Variants in ABCB4 observed in about 807,000 individuals in gnomAD.
ABCB4 encodes the protein phosphatidylcholine translocator ABCB4.
ABCB4 carries 76 observed loss-of-function variants against 145.7 expected under a neutral mutation model. The observed-to-expected ratio is 0.52, with a 90% CI of 0.43 to 0.63. The LOEUF (loss-of-function observed/expected upper bound fraction) is 0.63. Ranked by LOEUF, ABCB4 falls within the 30% of genes least tolerant of loss-of-function variation. ABCB4 has a pLI of 0.00. For synonymous variants in ABCB4, 517 were observed against 566.8 expected, an observed-to-expected ratio of 0.91 and a Z score of 1.25; for missense variants, 1,234 against 1,553.1, an observed-to-expected ratio of 0.79 and a Z score of 3.45.
intron 22 of ABCB4, among the ~76,000 whole-genome samples, chr7:87,412,549 C>T (rs776550004): frequency 1.3e-5 from 2 of 152,134 alleles, no homozygotes; most frequent in African/African-American, 2.4e-5. Flanking sequence ...TCCTGCCAGC[C>T]GCCCCTGTAT....
At chr7:87,430,388 A>G (rs1810131310) in intron 15 of ABCB4, among the ~76,000 whole-genome samples, 1 of 152,206 alleles carries the variant, frequency 6.6e-6, no homozygotes, top group African/African-American at 2.4e-5. Context: ...AGAATCGTTC[A>G]TAGAATAAAA....
intron 14 of ABCB4, among the ~76,000 whole-genome samples, chr7:87,439,009 A>C (rs1434844615): frequency 6.6e-6 from 1 of 152,198 alleles, no homozygotes; most frequent in Non-Finnish European, 1.5e-5. Context: ...ACTAATTTCT[A>C]TGGTGTCATC....
chr7:87,441,893 C>T (rs1811013699), intron 12 of ABCB4, among the ~76,000 whole-genome samples: 1 of 152,226 alleles, frequency 6.6e-6, no homozygotes, highest in Non-Finnish European at 1.5e-5. Flanking sequence ...GCCACCATGT[C>T]AGGCCTTTAT....
upstream of ABCB4, chr7:87,475,762 A>G: frequency 3.3e-6 from 1 of 307,156 alleles, no homozygotes; most frequent in Non-Finnish European, 5.9e-6. Context: ...CGGCCCGGGA[A>G]ACGCCTACCG....
chr7:87,431,592 A>G (rs369015377), intron 14 of ABCB4, 27 bp from the exon 15 acceptor site: 43 of 1,613,740 alleles, frequency 2.7e-5, no homozygotes, highest in Admixed American at 6.7e-5. Flanking sequence ...GTGGTGCATC[A>G]GGGTTACAGT....
chr7:87,376,370 C>T, the ABCB4 span, among the ~76,000 whole-genome samples: 3 of 151,980 alleles, frequency 2.0e-5, no homozygotes, highest in Admixed American at 6.6e-5. Context: ...AATTATGTCA[C>T]CCTTGTAAGT....
At chr7:87,370,123 C>T in the ABCB4 span, among the ~76,000 whole-genome samples, 1 of 152,034 alleles carries the variant, frequency 6.6e-6, no homozygotes, top group African/African-American at 2.4e-5. Flanking sequence ...GTATACATCT[C>T]TAAAATAGAA....
the ABCB4 span, among the ~76,000 whole-genome samples, chr7:87,396,440 A>G: frequency 6.6e-6 from 1 of 152,204 alleles, no homozygotes; most frequent in Non-Finnish European, 1.5e-5. Flanking sequence ...TGATTATTCA[A>G]GACTGTTTTT....
intron 11 of ABCB4, 109 bp downstream of exon 11, chr7:87,443,554 C>T: frequency 6.5e-7 from 1 of 1,540,896 alleles, no homozygotes; most frequent in Non-Finnish European, 8.9e-7. Context: ...GGGAATATAA[C>T]CCCCAAAGGA....
chr7:87,423,095 T>C (rs1221557691), intron 17 of ABCB4, among the ~76,000 whole-genome samples: 1 of 152,206 alleles, frequency 6.6e-6, no homozygotes, highest in Admixed American at 6.5e-5. Flanking sequence ...TGTGGATCGA[T>C]GTCCAACATC....
intron 14 of ABCB4, among the ~76,000 whole-genome samples, chr7:87,434,212 G>C (rs918995577): frequency 6.6e-6 from 1 of 151,192 alleles, no homozygotes; most frequent in Admixed American, 6.6e-5. Flanking sequence ...AAAGTTGTGG[G>C]ATTACAGGCG....
rs550356834 is a variant in ABCB4, at chr7:87,422,340, G to C, written c.2212-115C>G. 2.0e-4 allele frequency: 166 copies of C among 820,252 alleles called. No individual in the cohort carries two copies. The African/African-American group carries it at 2.4e-3, about 12-fold the overall frequency. 50.8% of individuals were successfully genotyped at this position (820,252 alleles called of 1,614,324 possible). A position where few individuals can be genotyped will look rare whatever the true frequency, so the allele number is the denominator to read the frequency against. On this transcript the variant is annotated intron_variant, in intron 17 of 27. Transcript: ENST00000649586. ...TTAAAACTAGGCTTCAAATATGTAG[G>C]GTTTTGGTAATTGTGGTAAAATATA...
At chr7:87,408,369 A>G in intron 24 of ABCB4, 135 bp from the exon 25 acceptor site, 1 of 918,186 alleles carries the variant, frequency 1.1e-6, no homozygotes, top group Non-Finnish European at 1.7e-6. Context: ...TTCTGGTGCC[A>G]GTTAATATTG....
At chr7:87,452,634 T>G (rs948756318) in intron 6 of ABCB4, 47 of 403,820 alleles carry the variant, frequency 1.2e-4, no homozygotes, top group African/African-American at 9.1e-4. Flanking sequence ...CAATCATCTA[T>G]TCATTGATTC....
At chr7:87,378,848 T>C in the ABCB4 span, among the ~76,000 whole-genome samples, 1 of 152,150 alleles carries the variant, frequency 6.6e-6, no homozygotes, top group Non-Finnish European at 1.5e-5. Flanking sequence ...TAAAGAACAG[T>C]AAAGTAGCTG....
rs1812553412 is a variant in ABCB4 at position 87,462,821 on chromosome 7, T to C, written c.223A>G (p.Met75Val). The C allele has an allele frequency of 1.2e-6, 2 of 1,613,854 alleles. No individual in the cohort carries two copies. The highest frequency in any genetic ancestry group is 1.7e-5 in the Admixed American group (1 of 60,014). Residue 75 changes from methionine (M) to valine (V), a missense_variant, in exon 4 of 28, where the codon ATG (methionine) becomes GTG (valine). Physicochemically the swap from Met to Val is conservative, Grantham distance 21 (BLOSUM62 1). Coordinates refer to ENST00000649586, the MANE Select transcript of ABCB4 (RefSeq NM_000443.4). Reference sequence around the variant, plus strand: ...TCAGTCATCTCTCCAAATACTATCATCATGAGGGGGAGACCTGATCCGTGA... The same window carrying C: ...TCAGTCATCTCTCCAAATACTATCACCATGAGGGGGAGACCTGATCCGTGA... ...IAHGSGLPLMMIVFGEMTDKF... is the reference protein window; with the variant it reads ...IAHGSGLPLMVIVFGEMTDKF...
the ABCB4 span, among the ~76,000 whole-genome samples, chr7:87,369,025 A>C: frequency 2.0e-5 from 3 of 152,332 alleles, no homozygotes; most frequent in East Asian, 5.8e-4. Context: ...GAAACCTGTT[A>C]ATTCAAATGG....
At chr7:87,458,052 G>A (rs150919917) in intron 4 of ABCB4, among the ~76,000 whole-genome samples, 1 of 152,236 alleles carries the variant, frequency 6.6e-6, no homozygotes, top group East Asian at 1.9e-4. Context: ...AAGAGCTGGT[G>A]TTTGTTCAGG....
At chr7:87,370,656 T>G in the ABCB4 span, among the ~76,000 whole-genome samples, 1 of 152,178 alleles carries the variant, frequency 6.6e-6, no homozygotes, top group Non-Finnish European at 1.5e-5. Context: ...TGCACCCAGG[T>G]CAAAAATTAG....
Sources: gnomAD v4.1 joint callset for allele counts (sites outside exome capture counted in the v4.1 genomes callset) on GRCh38, gnomAD v4.1.1 for gene constraint, MANE v1.5 for transcripts, NCBI Gene and HGNC (gene_info 2026-07-23, HGNC 2026-07-21) for gene names.